RRP15: variants seen among roughly 807,000 people sequenced by gnomAD.
RRP15 encodes RRP15-like protein.
A neutral mutation model predicts 27.1 loss-of-function variants in RRP15; 18 were observed. That is an observed-to-expected ratio of 0.66 (90% CI 0.46 to 0.98). The LOEUF (loss-of-function observed/expected upper bound fraction) is 0.98. Ranked by LOEUF, RRP15 falls within the 50% of genes least tolerant of loss-of-function variation. The probability of loss-of-function intolerance (pLI) is 0.00; values close to 1 mark genes in which losing one functional copy is unlikely to be tolerated. For missense variants in RRP15, 359 were observed against 337.8 expected, an observed-to-expected ratio of 1.06 and a Z score of -0.49; for synonymous variants, 107 against 109.4, an observed-to-expected ratio of 0.98 and a Z score of 0.14.
At chr1:218,317,129 C>A (rs1042626910) in intron 4 of RRP15, among the ~76,000 whole-genome samples, 3 of 152,138 alleles carry the variant, frequency 2.0e-5, no homozygotes, top group Admixed American at 1.3e-4. Context: ...ATGTCATCAT[C>A]TTTGTGAATA....
rs1656408715 is a variant in RRP15 at position 218,333,743 on chromosome 1, C to T, written c.*2652C>T. 6.6e-6 allele frequency: 1 copy of T among 152,238 alleles called. No individual in the cohort carries two copies. The highest frequency in any genetic ancestry group is 1.5e-5 in the Non-Finnish European group (1 of 68,056). The allele number at this position is 152,238 out of a possible 1,614,324, so 9.4% of individuals were successfully genotyped here. ...GAACTCCTGAGCTCAAGGGATCCCC[C>T]CGCCTCTTGCCTCCCAAAGTGCTTG... On this transcript the variant is annotated 3_prime_UTR_variant, in exon 5 of 5. Transcript: ENST00000366932.
At chr1:218,320,003 T>C (rs1381895446) in intron 4 of RRP15, among the ~76,000 whole-genome samples, 2 of 151,580 alleles carry the variant, frequency 1.3e-5, no homozygotes, top group African/African-American at 4.8e-5. Context: ...CATTTGACTT[T>C]TCAGGTACCT....
intron 3 of RRP15, among the ~76,000 whole-genome samples, chr1:218,305,717 A>G (rs1655888649): frequency 6.6e-6 from 1 of 152,154 alleles, no homozygotes; most frequent in South Asian, 2.1e-4. Context: ...AGGAGATAAC[A>G]TTTGGGCTGC....
intron 4 of RRP15, among the ~76,000 whole-genome samples, chr1:218,328,986 G>T (rs1656321661): frequency 6.6e-6 from 1 of 152,114 alleles, no homozygotes; most frequent in Non-Finnish European, 1.5e-5. Context: ...TTTTGATATG[G>T]CTATACACTT....
At chr1:218,308,825 C>CT (rs1655943337) in intron 4 of RRP15, among the ~76,000 whole-genome samples, 1 of 152,154 alleles carries the variant, frequency 6.6e-6, no homozygotes, top group Non-Finnish European at 1.5e-5. Flanking sequence ...GGGATTTATA[C>CT]TTTTTAGTTC....
intron 4 of RRP15, among the ~76,000 whole-genome samples, chr1:218,320,217 C>G (rs1017826333): frequency 2.6e-5 from 4 of 151,650 alleles, no homozygotes; most frequent in South Asian, 4.2e-4. Context: ...CCCTTCCCCC[C>G]ACCCCACAAC....
chr1:218,329,235 T>TGCA (rs1357659970), intron 4 of RRP15, among the ~76,000 whole-genome samples: 1 of 22,332 alleles, frequency 4.5e-5, no homozygotes, highest in African/African-American at 1.5e-4. Context: ...ACCCTGTCTC[T>TGCA]ACAAAAAAAA....
chr1:218,304,833 C>T (rs770657000), intron 2 of RRP15, among the ~76,000 whole-genome samples, 195 bp from the exon 3 acceptor site: 1 of 152,124 alleles, frequency 6.6e-6, no homozygotes, highest in Non-Finnish European at 1.5e-5. Context: ...CACTTTGTGC[C>T]TCTCGCATGA....
chr1:218,310,222 A>G lies in RRP15; in HGVS notation c.705+2590A>G, dbSNP rs17047603. 5.0e-3 allele frequency among the ~76,000 whole-genome samples: 758 copies of G among 152,310 alleles called. 6 individuals carry two copies. The highest frequency in any genetic ancestry group is 0.015 in the African/African-American group (608 of 41,568). On this transcript the variant is annotated intron_variant, in intron 4 of 4. Coordinates refer to ENST00000366932, the MANE Select transcript of RRP15 (RefSeq NM_016052.4). The stretch of plus-strand genomic sequence containing the variant: ...CCTTCTCTCATCATAAAATGGAACA[A>G]AAGAAATCTTATTGTTTTCCCTTCC...
chr1:218,311,054 A>G lies in RRP15; in HGVS notation c.705+3422A>G, dbSNP rs529986450. ...ATGACCCACCATGCCCAGCCGAACA[A>G]GTCATTTTTCTTAGAGTCTTTTCTG... On this transcript the variant is annotated intron_variant, in intron 4 of 4. Coordinates refer to ENST00000366932, the MANE Select transcript of RRP15 (RefSeq NM_016052.4). Among the ~76,000 whole-genome samples the G allele has an allele frequency of 1.8e-4, 27 of 152,258 alleles. No homozygotes were observed. The East Asian group carries it at 5.0e-3, about 28-fold the overall frequency.
intron 4 of RRP15, among the ~76,000 whole-genome samples, chr1:218,312,124 C>T (rs1238840602): frequency 2.0e-5 from 3 of 152,148 alleles, no homozygotes; most frequent in African/African-American, 7.2e-5. Context: ...CATCGGGCCT[C>T]CACAACTGTG....
intron 4 of RRP15, among the ~76,000 whole-genome samples, chr1:218,327,629 A>G (rs1380506574): frequency 6.6e-6 from 1 of 152,160 alleles, no homozygotes; most frequent in Non-Finnish European, 1.5e-5. Context: ...TTGAGCTGCC[A>G]TCTTGACAGA....
At chr1:218,322,972 A>G (rs892289175) in intron 4 of RRP15, among the ~76,000 whole-genome samples, 1 of 152,194 alleles carries the variant, frequency 6.6e-6, no homozygotes, top group Non-Finnish European at 1.5e-5. Flanking sequence ...GCTCCCGGCA[A>G]TGGCATGGGC....
In RRP15 at chr1:218,285,333, C is replaced by T. The variant is rs200861386; in HGVS notation, c.17C>T (p.Pro6Leu). The T allele has an allele frequency of 5.9e-5, 96 of 1,613,814 alleles. 1 individual carries two copies. In the African/African-American group the frequency reaches 8.1e-4, roughly 14 times the overall value. Reference sequence around the variant, plus strand: ...CGCAGAAAAATGGCAGCCGCCGCTCCGGACTCACGTGTGAGTGAGGAAGAA... The same window carrying T: ...CGCAGAAAAATGGCAGCCGCCGCTCTGGACTCACGTGTGAGTGAGGAAGAA... Reference protein sequence around the residue: MAAAAPDSRVSEEENL... With the variant: MAAAALDSRVSEEENL... Residue 6 changes from proline (P) to leucine (L), a missense_variant, in exon 1 of 5, where the codon CCG becomes CTG. Pro to Leu is a moderately conservative substitution (Grantham distance 98). Transcript: ENST00000366932.
rs886406898 is a variant in RRP15, at chr1:218,332,743, T to C, written c.*1652T>C. The C allele has an allele frequency of 2.0e-5, 3 of 152,228 alleles. No homozygotes were observed. The highest frequency in any genetic ancestry group is 6.5e-5 in the Admixed American group (1 of 15,290). 9.4% of individuals were successfully genotyped at this position (152,228 alleles called of 1,614,324 possible). On this transcript the variant is annotated 3_prime_UTR_variant, in exon 5 of 5. Transcript: ENST00000366932. ...TGTATTTATTCTAACTTTTGAACATTAGTGTCTTTCAGTATAAATAAATGT... is the reference window on the plus strand; with the variant it reads ...TGTATTTATTCTAACTTTTGAACATCAGTGTCTTTCAGTATAAATAAATGT...
At chr1:218,325,894 T>G (rs1656264787) in intron 4 of RRP15, among the ~76,000 whole-genome samples, 1 of 152,220 alleles carries the variant, frequency 6.6e-6, no homozygotes, top group South Asian at 2.1e-4. Context: ...TAGTCTATTT[T>G]CTGGGCAATT....
Position 218,302,421 on chromosome 1 carries a change from T to C in RRP15, c.267T>C (p.Asn89=). ...ENDGESSVGT[N]MGWADAMAKV... ...ATGGAGAATCAAGTGTTGGGACTAA[T>C]ATGGGCTGGGCAGATGCTATGGCTA... is the stretch of plus-strand genomic sequence containing the variant. Residue 89 remains asparagine (N), a synonymous_variant, in exon 2 of 5, where the codon AAT becomes AAC. Coordinates refer to ENST00000366932, the MANE Select transcript of RRP15 (RefSeq NM_016052.4). 1 of 1,614,028 alleles carries C rather than the reference T, an allele frequency of 6.2e-7. No homozygotes were observed. The highest frequency in any genetic ancestry group is 8.5e-7 in the Non-Finnish European group (1 of 1,179,978).
At chr1:218,330,725 G>C (rs867207561) in intron 4 of RRP15, among the ~76,000 whole-genome samples, 1 of 151,914 alleles carries the variant, frequency 6.6e-6, no homozygotes, top group African/African-American at 2.4e-5. Flanking sequence ...CTTTTATGGA[G>C]TCCATACAAT....
intron 4 of RRP15, 48 bp from the exon 5 acceptor site, chr1:218,330,900 T>C: frequency 6.4e-7 from 1 of 1,561,952 alleles, no homozygotes; most frequent in South Asian, 1.1e-5. Context: ...TTTGTTTCCT[T>C]ATGATGGAAT....
Sources: gnomAD v4.1 joint callset for allele counts (sites outside exome capture counted in the v4.1 genomes callset) on GRCh38, gnomAD v4.1.1 for gene constraint, MANE v1.5 for transcripts, NCBI Gene and HGNC (gene_info 2026-07-23, HGNC 2026-07-21) for gene names.